The following ATP8A1 variants were observed in gnomAD, a reference collection of about 807,000 sequenced individuals.
The protein encoded by ATP8A1 is phospholipid-transporting ATPase IA.
In ATP8A1, 90 loss-of-function variants were observed where a neutral mutation model predicts 177.7. That is an observed-to-expected ratio of 0.51 (90% CI 0.43 to 0.60). The LOEUF is 0.60. ATP8A1 is among the 20% of genes least tolerant of loss of function. The pLI is 0.00. For synonymous variants in ATP8A1, 493 were observed against 485.9 expected, an observed-to-expected ratio of 1.01 and a Z score of -0.19; for missense variants, 1,072 against 1,392.8, an observed-to-expected ratio of 0.77 and a Z score of 3.67.
Position 42,510,020 on chromosome 4 carries a change from G to A in ATP8A1, c.1948-2866C>T, listed in dbSNP as rs952297976. On this transcript the variant is annotated intron_variant, in intron 22 of 36. Transcript: ENST00000381668. ...AGGTTTGCTCAAAATTAGGGACCAC[G>A]TCTTGCTCATCTTAATGACTCCACA... Among the ~76,000 whole-genome samples, 26 of 152,106 alleles carry A rather than the reference G, an allele frequency of 1.7e-4. 1 individual carries two copies. The highest frequency in any genetic ancestry group is 3.2e-3 in the Middle Eastern group (1 of 316).
chr4:42,485,839 G>T (rs73235584), intron 24 of ATP8A1, among the ~76,000 whole-genome samples, 171 bp from the exon 25 acceptor site: 1 of 152,048 alleles, frequency 6.6e-6, no homozygotes, highest in Non-Finnish European at 1.5e-5. Flanking sequence ...TCAGGAGCCT[G>T]CACAATTGTT....
chr4:42,604,527 A>G lies in ATP8A1; in HGVS notation c.410-4009T>C, dbSNP rs1735604706. The stretch of plus-strand genomic sequence containing the variant: ...AAACCATTGCAACAGTTATAGATTT[A>G]CTGAAGATACAACTCCACTACCTAG... On this transcript the variant is annotated intron_variant, in intron 5 of 36. Coordinates refer to ENST00000381668, the MANE Select transcript of ATP8A1 (RefSeq NM_006095.2). Among the ~76,000 whole-genome samples the G allele has an allele frequency of 2.0e-5, 3 of 152,352 alleles. No homozygotes were observed. The South Asian group carries it at 6.2e-4, about 32-fold the overall frequency.
chr4:42,481,211 C>G (rs1022941895), intron 25 of ATP8A1, among the ~76,000 whole-genome samples: 1 of 152,190 alleles, frequency 6.6e-6, no homozygotes, highest in African/African-American at 2.4e-5. Flanking sequence ...AAAGACTGTT[C>G]CCAGCAGAGT....
chr4:42,432,563 G>A (rs944702710), intron 33 of ATP8A1, among the ~76,000 whole-genome samples: 93 of 152,304 alleles, frequency 6.1e-4, no homozygotes, highest in Admixed American at 2.1e-3. Flanking sequence ...TCAGAGGCCC[G>A]AGCCTTCCAG....
At chr4:42,446,779 A>C in intron 30 of ATP8A1, 135 bp from the exon 31 acceptor site, 1 of 724,210 alleles carries the variant, frequency 1.4e-6, no homozygotes, top group East Asian at 2.7e-5. Context: ...GATTAAAAAA[A>C]AAAACAACCC....
chr4:42,431,417 T>C (rs1715288104), intron 33 of ATP8A1, among the ~76,000 whole-genome samples: 2 of 152,202 alleles, frequency 1.3e-5, no homozygotes, highest in Non-Finnish European at 2.9e-5. Context: ...GAGAATGGTA[T>C]GTTTATTTAT....
Position 42,522,267 on chromosome 4 carries a change from T to A in ATP8A1, c.1840A>T (p.Ile614Phe). 6.2e-7 allele frequency: 1 copy of A among 1,613,754 alleles called. No individual in the cohort carries two copies. The highest frequency in any genetic ancestry group is 8.5e-7 in the Non-Finnish European group (1 of 1,179,866). ...CACTCCTGAAAGTCGCTCTCTGAAATCTCAGCCACAGCAAAACATAAAGTT... is the reference window on the plus strand; with the variant it reads ...CACTCCTGAAAGTCGCTCTCTGAAAACTCAGCCACAGCAAAACATAAAGTT... ...LRTLCFAVAEISESDFQEWRA... is the reference protein window; with the variant it reads ...LRTLCFAVAEFSESDFQEWRA... The change falls in exon 22 of 37, where the codon ATT (isoleucine) becomes TTT (phenylalanine). Residue 614 changes from isoleucine (I) to phenylalanine (F), a missense_variant. Transcript: ENST00000381668.
intron 9 of ATP8A1, among the ~76,000 whole-genome samples, chr4:42,582,412 T>C (rs1456044340): frequency 6.6e-6 from 1 of 152,018 alleles, no homozygotes; most frequent in Non-Finnish European, 1.5e-5. Context: ...CATTTAGATT[T>C]CTAAAAGTGT....
chr4:42,493,203 G>A (rs1400045141), intron 24 of ATP8A1, among the ~76,000 whole-genome samples: 2 of 152,160 alleles, frequency 1.3e-5, no homozygotes, highest in Admixed American at 6.5e-5. Context: ...ATAAAATGAC[G>A]TCACACTGTA....
rs768256576 is a variant in ATP8A1, at chr4:42,579,967, A to G, written c.846T>C (p.Ser282=). ...CCACATTTGAGAGCTTAAGTGGTGG[A>G]CTTGTTGAATTCTGTAAAAAGAAAC... ...HDTKLMQNST[S]PPLKLSNVER... Residue 282 remains serine, a synonymous_variant, in exon 11 of 37, where the codon AGT becomes AGC. Transcript: ENST00000381668. The G allele has an allele frequency of 3.7e-6, 6 of 1,601,428 alleles. No homozygotes were observed. In the Admixed American group the frequency reaches 1.0e-4, roughly 28 times the overall value.
chr4:42,507,515 G>A (rs925355589), intron 22 of ATP8A1, among the ~76,000 whole-genome samples: 16 of 151,990 alleles, frequency 1.1e-4, no homozygotes, highest in Middle Eastern at 6.8e-3. Context: ...ATCACTTAAG[G>A]TCAGGAGCTC....
intron 24 of ATP8A1, among the ~76,000 whole-genome samples, chr4:42,498,391 G>C (rs1377563388): frequency 1.3e-5 from 2 of 152,214 alleles, no homozygotes; most frequent in Non-Finnish European, 2.9e-5. Context: ...CATGGTGTTA[G>C]AATGTCAAAT....
At chr4:42,583,011 G>T (rs949736926) in intron 9 of ATP8A1, among the ~76,000 whole-genome samples, 3 of 152,090 alleles carry the variant, frequency 2.0e-5, no homozygotes, top group Admixed American at 6.5e-5. Context: ...AAAAATTCTG[G>T]AAAAAGAAGG....
In ATP8A1 at chr4:42,657,068, G is replaced by A; in HGVS notation, c.-195C>T. ...GAGGAGGAGAAAGGCAGCGGTGGCG[G>A]CGAAGGTGGCGGCGCCCGCAGAGCT... On this transcript the variant is annotated 5_prime_UTR_variant, in exon 1 of 37. Coordinates refer to ENST00000381668, the MANE Select transcript of ATP8A1 (RefSeq NM_006095.2). 8.6e-6 allele frequency: 4 copies of A among 463,226 alleles called. No homozygotes were observed. Among genetic ancestry groups the A allele is most frequent in the Non-Finnish European group, 1.4e-5 (4 of 288,158 alleles). 28.7% of individuals were successfully genotyped at this position (463,226 alleles called of 1,614,324 possible).
At chr4:42,441,415 T>A (rs1242547353) in intron 33 of ATP8A1, among the ~76,000 whole-genome samples, 1 of 152,250 alleles carries the variant, frequency 6.6e-6, no homozygotes, top group East Asian at 1.9e-4. Context: ...TAGAAAAATA[T>A]AGACCTAAGA....
chr4:42,497,927 A>C (rs1723450701), intron 24 of ATP8A1, among the ~76,000 whole-genome samples: 1 of 148,188 alleles, frequency 6.7e-6, no homozygotes, highest in African/African-American at 2.4e-5. Flanking sequence ...GGACATTATA[A>C]AAAAATATCT....
At chr4:42,548,989 C>T (rs1212507980) in intron 19 of ATP8A1, 24 bp downstream of exon 19, 5 of 1,575,494 alleles carry the variant, frequency 3.2e-6, no homozygotes, top group African/African-American at 1.4e-5. Context: ...CTTATCCATA[C>T]AAATCACTGA....
chr4:42,594,204 C>T (rs1734488009), intron 6 of ATP8A1: 2 of 719,016 alleles, frequency 2.8e-6, no homozygotes, highest in Non-Finnish European at 4.6e-6. Context: ...TCGTTTATTC[C>T]TTATTTCCTT....
chr4:42,431,261 T>A (rs1373241688), intron 33 of ATP8A1, among the ~76,000 whole-genome samples: 1 of 152,212 alleles, frequency 6.6e-6, no homozygotes, highest in Non-Finnish European at 1.5e-5. Context: ...GCCTCTATTT[T>A]CAGTCAGACT....
Sources: gnomAD v4.1 joint callset for allele counts (sites outside exome capture counted in the v4.1 genomes callset) on GRCh38, gnomAD v4.1.1 for gene constraint, MANE v1.5 for transcripts, NCBI Gene and HGNC (gene_info 2026-07-23, HGNC 2026-07-21) for gene names.